Variants in DPP10 observed in about 807,000 individuals in gnomAD.
The protein encoded by DPP10 is dipeptidyl peptidase like 10, also known as inactive dipeptidyl peptidase 10.
DPP10 carries 33 observed loss-of-function variants against 120.9 expected under a neutral mutation model. The ratio of observed to expected loss-of-function variants is 0.27; its 90% CI spans 0.21 to 0.37. DPP10 has a LOEUF of 0.37. DPP10 is among the 10% of genes least tolerant of loss of function. DPP10 has a pLI of 1.00. For synonymous variants in DPP10, 337 were observed against 326.1 expected (o/e 1.03, Z -0.36); for missense variants, 816 against 942.8 (o/e 0.87, Z 1.76).
At chr2:115,327,113 T>A (rs1445170805) in intron 2 of DPP10, among the ~76,000 whole-genome samples, 1 of 152,080 alleles carries the variant, frequency 6.6e-6, no homozygotes, top group African/African-American at 2.4e-5. Context: ...ATTTTCTATG[T>A]TTAGATACAC....
chr2:114,831,855 A>ATAT (rs1302039156), intron 1 of DPP10, among the ~76,000 whole-genome samples: 1 of 106,094 alleles, frequency 9.4e-6, no homozygotes, highest in African/African-American at 2.6e-5. Context: ...TTAATTAAAA[A>ATAT]AAATATATAT....
At chr2:115,548,433 GT>G (rs1199614319) in intron 5 of DPP10, among the ~76,000 whole-genome samples, 7 of 152,126 alleles carry the variant, frequency 4.6e-5, no homozygotes, top group African/African-American at 1.7e-4. Flanking sequence ...TTAAAGACGA[GT>G]TTCCCAGGCA....
intron 1 of DPP10, among the ~76,000 whole-genome samples, chr2:114,653,033 T>A (rs1052393216): frequency 1.3e-5 from 2 of 150,682 alleles, no homozygotes; most frequent in Admixed American, 6.6e-5. Context: ...AGAGAGTGTG[T>A]GTGTGTGTGT....
At chr2:115,800,011 C>T (rs1336898879) in intron 19 of DPP10, among the ~76,000 whole-genome samples, 9 of 151,628 alleles carry the variant, frequency 5.9e-5, no homozygotes, top group Non-Finnish European at 1.2e-4. Context: ...AATCGCCACA[C>T]CGACTTCCAC....
chr2:115,728,936 C>T (rs533378255), intron 8 of DPP10, among the ~76,000 whole-genome samples: 3 of 152,182 alleles, frequency 2.0e-5, no homozygotes, highest in Admixed American at 6.5e-5. Flanking sequence ...GATGTTGTAA[C>T]CCTTGAGATT....
chr2:114,873,272 C>A (rs990068576), intron 1 of DPP10, among the ~76,000 whole-genome samples: 1 of 151,936 alleles, frequency 6.6e-6, no homozygotes, highest in Non-Finnish European at 1.5e-5. Flanking sequence ...TGGCTGGCAC[C>A]GTAACTAGAT....
chr2:115,815,641 A>G, intron 20 of DPP10, 34 bp from the exon 21 acceptor site: 5 of 1,566,332 alleles, frequency 3.2e-6, no homozygotes, highest in Non-Finnish European at 4.3e-6. Context: ...TTAACTCACA[A>G]AGATATAACT....
At chr2:115,432,083 CAG>C (rs2071048617) in intron 3 of DPP10, among the ~76,000 whole-genome samples, 1 of 152,082 alleles carries the variant, frequency 6.6e-6, no homozygotes, top group African/African-American at 2.4e-5. Flanking sequence ...GCAAACCAAA[CAG>C]AATTAACCCA....
At chr2:114,997,197 C>G (rs765670105) in intron 1 of DPP10, among the ~76,000 whole-genome samples, 8 of 151,218 alleles carry the variant, frequency 5.3e-5, no homozygotes, top group Non-Finnish European at 1.2e-4. Context: ...AATAAGATAC[C>G]AACTGTCTTG....
In DPP10 at chr2:114,956,540, T is replaced by C. The variant is rs1467133648; in HGVS notation, c.61-352699T>C. ...ATCCTACCCAAAGTGATCTACACATTCAATGCAGTCTGTATGAAAATCAAA... is the reference window on the plus strand; with the variant it reads ...ATCCTACCCAAAGTGATCTACACATCCAATGCAGTCTGTATGAAAATCAAA... On this transcript the variant is annotated intron_variant, in intron 1 of 25. Transcript: ENST00000410059. 1.3e-5 allele frequency among the ~76,000 whole-genome samples: 2 copies of C among 152,156 alleles called. 1 individual carries two copies. Among genetic ancestry groups the C allele is most frequent in the South Asian group, 4.1e-4 (2 of 4,832 alleles).
At chr2:115,601,729 A>C (rs1411080157) in intron 5 of DPP10, among the ~76,000 whole-genome samples, 2 of 152,112 alleles carry the variant, frequency 1.3e-5, no homozygotes, top group Non-Finnish European at 2.9e-5. Flanking sequence ...GCTGGAGTGC[A>C]GTGGCACGAC....
chr2:115,549,937 C>T (rs188539982), intron 5 of DPP10, among the ~76,000 whole-genome samples: 161 of 152,204 alleles, frequency 1.1e-3, no homozygotes, highest in Non-Finnish European at 2.1e-3. Flanking sequence ...CTGCAATGCC[C>T]TTTTTCCCAC....
chr2:115,384,632 GAAGA>G (rs2066753857), intron 3 of DPP10, among the ~76,000 whole-genome samples: 4 of 144,900 alleles, frequency 2.8e-5, no homozygotes, highest in Non-Finnish European at 4.5e-5. Flanking sequence ...AGAAGAGGAA[GAAGA>G]AAGAAGGAAG....
chr2:115,829,367 T>C (rs1490217554), intron 21 of DPP10, among the ~76,000 whole-genome samples: 1 of 152,174 alleles, frequency 6.6e-6, no homozygotes, highest in Non-Finnish European at 1.5e-5. Flanking sequence ...TCTGTTGAAT[T>C]CTGTCTTTCT....
intron 1 of DPP10, among the ~76,000 whole-genome samples, chr2:115,291,323 C>A (rs2060645349): frequency 6.6e-6 from 1 of 151,970 alleles, no homozygotes; most frequent in Non-Finnish European, 1.5e-5. Flanking sequence ...TTCTAACATA[C>A]CACTTCTTCC....
intron 1 of DPP10, among the ~76,000 whole-genome samples, chr2:114,967,561 GA>G (rs2104765128): frequency 6.6e-6 from 1 of 152,266 alleles, no homozygotes; most frequent in East Asian, 1.9e-4. Context: ...TATATGTGAG[GA>G]AATTACTATG....
chr2:114,535,217 T>A (rs1046913448), intron 1 of DPP10, among the ~76,000 whole-genome samples: 8 of 152,230 alleles, frequency 5.3e-5, no homozygotes, highest in African/African-American at 1.9e-4. Flanking sequence ...AGCTTTCACC[T>A]ATTTAACACA....
Position 114,801,284 on chromosome 2 carries a change from AAAAG to A in DPP10, c.60+358459_60+358462del, listed in dbSNP as rs70941009. On this transcript the variant is annotated intron_variant, in intron 1 of 25. Transcript: ENST00000410059. ...TATCAAAAAAAAAAAAAAAAAGAAA[AAAAG>A]AAAGAAAGAAAGGTACAGAAGATAG... is the stretch of plus-strand genomic sequence containing the variant. Among the ~76,000 whole-genome samples, 486 of 132,734 alleles carry A rather than the reference AAAAG, an allele frequency of 3.7e-3. 12 individuals are homozygous for A. Among genetic ancestry groups the A allele is most frequent in the African/African-American group, 8.8e-3 (304 of 34,360 alleles). The allele number at this position is 132,734 out of a possible 152,430, so 87.1% of individuals were successfully genotyped here.
intron 1 of DPP10, among the ~76,000 whole-genome samples, chr2:115,168,898 A>C (rs1171515737): frequency 6.6e-6 from 1 of 152,238 alleles, no homozygotes; most frequent in African/African-American, 2.4e-5. Context: ...ACTTTTATCC[A>C]AAACTGATAA....
Sources: allele counts gnomAD v4.1 joint callset (sites outside exome capture counted in the v4.1 genomes callset), GRCh38; gene constraint gnomAD v4.1.1; transcripts MANE v1.5; gene names NCBI Gene and HGNC (gene_info 2026-07-23, HGNC 2026-07-21).